The following CPNE8 variants were observed in gnomAD, a reference collection of about 807,000 sequenced individuals.
CPNE8 encodes copine 8, also known as copine-8.
In CPNE8, 45 loss-of-function variants were observed where a neutral mutation model predicts 81.5. That is an observed-to-expected ratio of 0.55 (90% CI 0.44 to 0.71). The LOEUF (loss-of-function observed/expected upper bound fraction) is 0.71, where lower values mean the gene tolerates loss of function less well. Ranked by LOEUF, CPNE8 falls within the 30% of genes least tolerant of loss-of-function variation. The pLI is 0.00. For missense variants in CPNE8, 594 were observed against 672.1 expected, an observed-to-expected ratio of 0.88 and a Z score of 1.28; for synonymous variants, 252 against 226.3, an observed-to-expected ratio of 1.11 and a Z score of -1.02.
chr12:38,701,404 AGTT>A (rs1272132448), intron 14 of CPNE8, among the ~76,000 whole-genome samples: 2 of 152,032 alleles, frequency 1.3e-5, no homozygotes, highest in Admixed American at 6.6e-5. Context: ...TGCTTATCTT[AGTT>A]GTTGTGCTAG....
intron 5 of CPNE8, among the ~76,000 whole-genome samples, chr12:38,837,937 A>G (rs1346327672): frequency 6.6e-6 from 1 of 152,190 alleles, no homozygotes; most frequent in Non-Finnish European, 1.5e-5. Context: ...AAGGAAATAT[A>G]CATTTATGAT....
intron 1 of CPNE8, among the ~76,000 whole-genome samples, chr12:38,902,399 G>A (rs1944501056): frequency 7.3e-6 from 1 of 137,160 alleles, no homozygotes; most frequent in African/African-American, 3.2e-5. Context: ...GAAAGAGAAA[G>A]AAAGAAAGAA....
intron 19 of CPNE8, among the ~76,000 whole-genome samples, chr12:38,657,002 C>A (rs2136630105): frequency 6.6e-6 from 1 of 152,286 alleles, no homozygotes; most frequent in African/African-American, 2.4e-5. Flanking sequence ...ACTGAGGTAC[C>A]TGGATCATCT....
intron 3 of CPNE8, among the ~76,000 whole-genome samples, chr12:38,851,208 T>C (rs2137062032): frequency 6.6e-6 from 1 of 152,324 alleles, no homozygotes; most frequent in South Asian, 2.1e-4. Flanking sequence ...ATTTATTTGG[T>C]TTTAAATCCC....
intron 6 of CPNE8, among the ~76,000 whole-genome samples, chr12:38,789,302 C>T (rs748472500): frequency 6.6e-6 from 1 of 151,650 alleles, no homozygotes; most frequent in Non-Finnish European, 1.5e-5. Flanking sequence ...AACCTATACA[C>T]CTCCAGTGAA....
chr12:38,758,246 T>G (rs1452445216), intron 10 of CPNE8, among the ~76,000 whole-genome samples: 3 of 152,072 alleles, frequency 2.0e-5, no homozygotes. Flanking sequence ...CCTTTCAACG[T>G]CTGTTAGGAT....
intron 6 of CPNE8, 81 bp downstream of exon 6, chr12:38,829,298 C>T: frequency 1.1e-6 from 1 of 900,608 alleles, no homozygotes; most frequent in Non-Finnish European, 1.9e-6. Context: ...TGCTCCACAA[C>T]CATGCATTCA....
intron 3 of CPNE8, among the ~76,000 whole-genome samples, chr12:38,869,363 A>G (rs1943958757): frequency 6.6e-6 from 1 of 152,172 alleles, no homozygotes; most frequent in African/African-American, 2.4e-5. Context: ...ATACTGTTAC[A>G]AGTGATTCAT....
chr12:38,723,514 A>G (rs1282690603), intron 13 of CPNE8, among the ~76,000 whole-genome samples: 1 of 152,228 alleles, frequency 6.6e-6, no homozygotes, highest in East Asian at 1.9e-4. Flanking sequence ...AAAACATCCT[A>G]TGAAAGTGAA....
intron 10 of CPNE8, among the ~76,000 whole-genome samples, chr12:38,740,722 G>C (rs1325856686): frequency 6.6e-6 from 1 of 152,180 alleles, no homozygotes; most frequent in Non-Finnish European, 1.5e-5. Context: ...AACCAGCCTT[G>C]CATCCCAGGG....
chr12:38,858,914 C>A (rs1352694508), intron 3 of CPNE8, among the ~76,000 whole-genome samples: 2 of 152,196 alleles, frequency 1.3e-5, no homozygotes, highest in East Asian at 1.9e-4. Context: ...AATTCTACAA[C>A]CTTTCTTGAT....
intron 16 of CPNE8, chr12:38,679,631 C>T: frequency 9.1e-6 from 9 of 984,980 alleles, no homozygotes; most frequent in Non-Finnish European, 1.1e-5. Context: ...CCTTCGGCAC[C>T]ACAAATTAAT....
At chr12:38,902,054 C>T (rs1181715307) in intron 1 of CPNE8, among the ~76,000 whole-genome samples, 3 of 151,550 alleles carry the variant, frequency 2.0e-5, no homozygotes, top group African/African-American at 7.3e-5. Context: ...ATTCAAGCTT[C>T]AATCGTTTAT....
At chr12:38,874,110 T>C (rs61937841) in intron 2 of CPNE8, among the ~76,000 whole-genome samples, 2 of 151,672 alleles carry the variant, frequency 1.3e-5, no homozygotes, top group Non-Finnish European at 2.9e-5. Context: ...ACCACTTTCA[T>C]TTAAAAAAAA....
intron 3 of CPNE8, among the ~76,000 whole-genome samples, chr12:38,856,911 GA>G (rs1378813078): frequency 6.6e-6 from 1 of 151,138 alleles, no homozygotes; most frequent in Non-Finnish European, 1.5e-5. Context: ...CACATTTAAG[GA>G]AAATTGTGAC....
In CPNE8 at chr12:38,793,821, G is replaced by A. The variant is rs547867145; in HGVS notation, c.408-17520C>T. On this transcript the variant is annotated intron_variant, in intron 6 of 19. Transcript: ENST00000331366. ...AAAACTCACACTTCAAGATTTCAAA[G>A]CATATTACAAGCTACAGTAATCAAA... Among the ~76,000 whole-genome samples the A allele has an allele frequency of 2.6e-5, 4 of 152,086 alleles. No homozygotes were observed. In the South Asian group the frequency reaches 8.3e-4, roughly 32 times the overall value.
At chr12:38,799,164 C>T (rs12734453) in intron 6 of CPNE8, among the ~76,000 whole-genome samples, 4 of 152,042 alleles carry the variant, frequency 2.6e-5, no homozygotes, top group Admixed American at 6.6e-5. Context: ...AACAAGCATA[C>T]CCGGGAATTG....
chr12:38,726,442 T>C (rs991157484), intron 11 of CPNE8: 5 of 152,186 alleles, frequency 3.3e-5, no homozygotes, highest in Admixed American at 1.3e-4. Context: ...AGTAAGGATG[T>C]TGGGCGTCAC....
intron 3 of CPNE8, among the ~76,000 whole-genome samples, chr12:38,870,978 T>A (rs1005858722): frequency 1.3e-5 from 2 of 152,098 alleles, no homozygotes; most frequent in Non-Finnish European, 2.9e-5. Context: ...AAAGTTGCTG[T>A]GAAAACTAAA....
Sources: allele counts gnomAD v4.1 joint callset (sites outside exome capture counted in the v4.1 genomes callset), GRCh38; gene constraint gnomAD v4.1.1; transcripts MANE v1.5; gene names NCBI Gene and HGNC (gene_info 2026-07-23, HGNC 2026-07-21).